CORO2B: variants seen among roughly 807,000 people sequenced by gnomAD.
The protein encoded by CORO2B is coronin 2B.
CORO2B carries 26 observed loss-of-function variants against 58.8 expected under a neutral mutation model. The ratio of observed to expected loss-of-function variants is 0.44; its 90% CI spans 0.32 to 0.61. The LOEUF (loss-of-function observed/expected upper bound fraction) is 0.61, where lower values mean the gene tolerates loss of function less well. Ranked by LOEUF, CORO2B falls within the 20% of genes least tolerant of loss-of-function variation. The pLI, the probability that CORO2B is intolerant of heterozygous loss-of-function variation, is 0.04. For missense variants in CORO2B, 460 were observed against 645.1 expected, an observed-to-expected ratio of 0.71 and a Z score of 3.11; for synonymous variants, 242 against 253.8, an observed-to-expected ratio of 0.95 and a Z score of 0.44.
chr15:68,714,819 A>G (rs1482517352), intron 7 of CORO2B, among the ~76,000 whole-genome samples, 156 bp downstream of exon 7: 1 of 152,060 alleles, frequency 6.6e-6, no homozygotes, highest in East Asian at 1.9e-4. Context: ...CAAGTCTGAC[A>G]CCCATTCTTA....
intron 2 of CORO2B, among the ~76,000 whole-genome samples, chr15:68,671,831 A>G (rs917711754): frequency 1.3e-5 from 2 of 152,198 alleles, no homozygotes; most frequent in African/African-American, 4.8e-5. Context: ...GCCACATTCT[A>G]TTAGTAACAC....
chr15:68,670,882 A>G (rs1172630137), intron 2 of CORO2B, among the ~76,000 whole-genome samples: 1 of 152,234 alleles, frequency 6.6e-6, no homozygotes, highest in African/African-American at 2.4e-5. Context: ...AACCATTGTG[A>G]AAGGCATCTT....
chr15:68,694,628 C>T (rs1596020111), intron 2 of CORO2B, among the ~76,000 whole-genome samples: 1 of 152,294 alleles, frequency 6.6e-6, no homozygotes, highest in East Asian at 1.9e-4. Flanking sequence ...TCTGCTGACT[C>T]CCAGAGCAGC....
In CORO2B at chr15:68,684,310, A is replaced by C. The variant is rs145836004; in HGVS notation, c.217-10830A>C. On this transcript the variant is annotated intron_variant, in intron 2 of 11. Transcript: ENST00000261861. ...CCCGCAAGGAGAAATGGACTAACCC[A>C]ATGTCCCCCAGTCCTCTTTGGAAGG... 9.5e-4 allele frequency among the ~76,000 whole-genome samples: 144 copies of C among 152,306 alleles called. No homozygotes were observed. The South Asian group carries it at 0.019, about 20-fold the overall frequency.
chr15:68,685,673 C>A (rs183872742), intron 2 of CORO2B, among the ~76,000 whole-genome samples: 1 of 152,378 alleles, frequency 6.6e-6, no homozygotes, highest in African/African-American at 2.4e-5. Context: ...GTCTTTGCTG[C>A]TCATTGAAAT....
chr15:68,559,663 C>T, the CORO2B span: 1 of 983,972 alleles, frequency 1.0e-6, no homozygotes, highest in Admixed American at 6.2e-5. This position sits in a 1 kb window ranked among gnomAD's most constrained non-coding sequence, Gnocchi z 4.3. Flanking sequence ...CCTGTCTGGG[C>T]CTCCGTTTCC....
At chr15:68,632,926 G>C (rs957562666) in intron 1 of CORO2B, among the ~76,000 whole-genome samples, 1 of 152,182 alleles carries the variant, frequency 6.6e-6, no homozygotes, top group African/African-American at 2.4e-5. Flanking sequence ...GAGCAGGAAG[G>C]TTACACCTAG....
intron 3 of CORO2B, among the ~76,000 whole-genome samples, chr15:68,706,401 C>T (rs1053817953): frequency 1.3e-5 from 2 of 152,228 alleles, no homozygotes; most frequent in South Asian, 2.1e-4. Flanking sequence ...CTGCATGCAC[C>T]GCTTAGTGCT....
chr15:68,715,394 T>C, intron 8 of CORO2B, 83 bp downstream of exon 8: 2 of 981,468 alleles, frequency 2.0e-6, no homozygotes, highest in Non-Finnish European at 3.2e-6. Flanking sequence ...CTCCCTTAAG[T>C]GGAAAATCAG....
chr15:68,625,525 A>G lies in CORO2B; in HGVS notation c.16-19635A>G, dbSNP rs565348149. Among the ~76,000 whole-genome samples, 10 of 152,002 alleles carry G rather than the reference A, an allele frequency of 6.6e-5. No individual in the cohort carries two copies. In the South Asian group the frequency reaches 1.7e-3, roughly 25 times the overall value. On this transcript the variant is annotated intron_variant, in intron 1 of 11. Transcript: ENST00000261861. ...AGAAGTTGTTTTTTTCCAGAATATT[A>G]TATCAATGGAATCATTGGGTATGCA...
the CORO2B span, among the ~76,000 whole-genome samples, chr15:68,546,208 G>T: frequency 6.6e-6 from 1 of 152,192 alleles, no homozygotes; most frequent in East Asian, 1.9e-4. Context: ...ACAAGGGATT[G>T]TAGTGTCCAT....
intron 2 of CORO2B, among the ~76,000 whole-genome samples, chr15:68,694,179 A>C (rs1351711846): frequency 1.3e-5 from 2 of 152,024 alleles, no homozygotes; most frequent in African/African-American, 4.8e-5. Flanking sequence ...CTGTGAGAGC[A>C]CAGAGGAAGA....
chr15:68,648,854 A>G (rs1901542348), intron 2 of CORO2B, among the ~76,000 whole-genome samples: 1 of 152,228 alleles, frequency 6.6e-6, no homozygotes, highest in Non-Finnish European at 1.5e-5. Flanking sequence ...CAAGTTGGCA[A>G]TTTCTACTAA....
chr15:68,568,266 C>T, the CORO2B span, among the ~76,000 whole-genome samples: 1 of 151,904 alleles, frequency 6.6e-6, no homozygotes, highest in South Asian at 2.1e-4. Flanking sequence ...CTGCCCCCCA[C>T]CCCACCCCCA....
At chr15:68,603,128 A>G (rs1900024466) in intron 1 of CORO2B, among the ~76,000 whole-genome samples, 1 of 152,150 alleles carries the variant, frequency 6.6e-6, no homozygotes, top group Admixed American at 6.5e-5. Flanking sequence ...AGATGGAGAG[A>G]GAAGTGGGTA....
At chr15:68,553,527 C>T in the CORO2B span, among the ~76,000 whole-genome samples, 22,401 of 152,228 alleles carry the variant, frequency 0.15, 1,995 homozygotes, top group Middle Eastern at 0.24. Flanking sequence ...CATGCCAACG[C>T]CTTGGTTTTA....
chr15:68,640,781 A>G (rs1901191258), intron 1 of CORO2B, among the ~76,000 whole-genome samples: 2 of 152,192 alleles, frequency 1.3e-5, no homozygotes, highest in African/African-American at 4.8e-5. Flanking sequence ...AGGAGGCAGG[A>G]GTCATGATTT....
chr15:68,538,530 G>A, the CORO2B span, among the ~76,000 whole-genome samples: 2 of 152,298 alleles, frequency 1.3e-5, no homozygotes, highest in South Asian at 2.1e-4. Flanking sequence ...TGGAGTCTGC[G>A]GTGGCTTCAG....
At chr15:68,535,506 A>G in the CORO2B span, among the ~76,000 whole-genome samples, 3 of 151,944 alleles carry the variant, frequency 2.0e-5, no homozygotes, top group Non-Finnish European at 4.4e-5. Context: ...CACATGGTAG[A>G]CATTGAATAA....
Sources: allele counts gnomAD v4.1 joint callset (sites outside exome capture counted in the v4.1 genomes callset), GRCh38; gene constraint gnomAD v4.1.1; non-coding constraint Gnocchi (gnomAD v3.1); transcripts MANE v1.5; gene names NCBI Gene and HGNC (gene_info 2026-07-23, HGNC 2026-07-21).